Variants in TTC7A observed in about 807,000 individuals in gnomAD.
The protein encoded by TTC7A is tetratricopeptide repeat protein 7A.
In TTC7A, 110 loss-of-function variants were observed where a neutral mutation model predicts 103.7. That is an observed-to-expected ratio of 1.06 (90% confidence interval 0.91 to 1.24). TTC7A has a LOEUF of 1.24. Among genes scored for constraint, TTC7A ranks in the 50% most tolerant of loss-of-function variants. TTC7A has a pLI of 0.00. For missense variants in TTC7A, 1,340 were observed against 1,116.3 expected (o/e 1.20, Z -2.86); for synonymous variants, 521 against 467.9 (o/e 1.11, Z -1.47).
intron 3 of TTC7A, among the ~76,000 whole-genome samples, chr2:46,963,746 A>T (rs958580940): frequency 6.6e-6 from 1 of 152,172 alleles, no homozygotes; most frequent in Non-Finnish European, 1.5e-5. Flanking sequence ...GGGCTCAGCT[A>T]TTGAGGTCTG....
At position 47,011,378 on chromosome 2, in the gene TTC7A, C is replaced by A; in HGVS notation, c.1335C>A (p.Pro445=). 1 of 1,612,624 alleles carries A rather than the reference C, an allele frequency of 6.2e-7. No individual in the cohort carries two copies. Among genetic ancestry groups the A allele is most frequent in the South Asian group, 1.1e-5 (1 of 91,028 alleles). The change falls in exon 11 of 20, where the codon CCC becomes CCA. Residue 445 remains proline (P), a synonymous_variant. Transcript: ENST00000319190. ...TGCGGGAGTGTGTGAAGTTGCGGCC[C>A]TCGGACCCCACCGTGCCCCTGATGG... is the stretch of plus-strand genomic sequence containing the variant. ...SLLRECVKLR[P]SDPTVPLMAA... is the part of the protein sequence containing the mutation.
At chr2:47,030,602 T>TGGCCAA (rs1423537460) in intron 15 of TTC7A, among the ~76,000 whole-genome samples, 2 of 152,192 alleles carry the variant, frequency 1.3e-5, no homozygotes, top group East Asian at 3.8e-4. Flanking sequence ...GGAGTCCCAG[T>TGGCCAA]GGCCAAGGCC....
chr2:47,046,253 G>C lies in TTC7A; in HGVS notation c.1803-62G>C, dbSNP rs749737213. On this transcript the variant is annotated intron_variant, in intron 15 of 19. Coordinates refer to ENST00000319190, the MANE Select transcript of TTC7A (RefSeq NM_020458.4). The stretch of plus-strand genomic sequence containing the variant: ...ATGTGGAGCCGCCCTGGTGGGGCAG[G>C]ATCCCCAGGTGAAAGTGGGCCCTTG... 3.2e-4 allele frequency: 428 copies of C among 1,343,338 alleles called. 2 individuals are homozygous for C. The highest frequency in any genetic ancestry group is 4.9e-4 in the Middle Eastern group (2 of 4,102). 83.2% of individuals were successfully genotyped at this position (1,343,338 alleles called of 1,614,324 possible).
chr2:46,960,230 G>A (rs991593675), intron 3 of TTC7A, among the ~76,000 whole-genome samples: 55 of 152,204 alleles, frequency 3.6e-4, no homozygotes, highest in African/African-American at 1.2e-3. Context: ...GCTCCTGGCT[G>A]CAGAGAAGTC....
At chr2:47,028,020 A>G (rs558924089) in intron 14 of TTC7A, among the ~76,000 whole-genome samples, 1 of 152,296 alleles carries the variant, frequency 6.6e-6, no homozygotes, top group Non-Finnish European at 1.5e-5. Flanking sequence ...AGTAACCTCC[A>G]CAGCTGAATG....
chr2:47,033,351 G>A (rs889574558), intron 15 of TTC7A, among the ~76,000 whole-genome samples: 1 of 152,254 alleles, frequency 6.6e-6, no homozygotes, highest in Admixed American at 6.5e-5. Context: ...CCCAGTGCCT[G>A]AGGCCTATTA....
chr2:46,929,257 G>GA (rs960441118), intron 2 of TTC7A, among the ~76,000 whole-genome samples: 26 of 152,252 alleles, frequency 1.7e-4, no homozygotes, highest in African/African-American at 6.0e-4. Flanking sequence ...GCTAAGGTAG[G>GA]AAGACTGCTT....
At chr2:47,056,744 G>T (rs1467364664) in intron 18 of TTC7A, among the ~76,000 whole-genome samples, 1 of 152,196 alleles carries the variant, frequency 6.6e-6, no homozygotes, top group Non-Finnish European at 1.5e-5. Context: ...GGAGGGAAGA[G>T]GAGGAAAACC....
chr2:47,052,750 A>G (rs1360496115), intron 18 of TTC7A, among the ~76,000 whole-genome samples: 1 of 152,154 alleles, frequency 6.6e-6, no homozygotes, highest in East Asian at 1.9e-4. Flanking sequence ...ATGGACCCCT[A>G]AAGTACCCCA....
At chr2:46,970,004 T>A (rs550165633) in intron 3 of TTC7A, among the ~76,000 whole-genome samples, 59 of 152,274 alleles carry the variant, frequency 3.9e-4, no homozygotes, top group African/African-American at 1.1e-3. Flanking sequence ...AGCTTTTTTT[T>A]AAATTGAAAT....
intron 16 of TTC7A, chr2:47,046,888 C>A (rs141901057): frequency 1.4e-4 from 33 of 236,674 alleles, no homozygotes; most frequent in African/African-American, 5.7e-4. Flanking sequence ...GCCCATGGAG[C>A]CTGTCACTTC....
At chr2:46,984,388 A>G (rs193045365) in intron 5 of TTC7A, among the ~76,000 whole-genome samples, 29 of 152,330 alleles carry the variant, frequency 1.9e-4, no homozygotes, top group East Asian at 1.5e-3. Flanking sequence ...TGTGGCCCTG[A>G]ACAGGTTCCC....
At chr2:47,034,824 G>T (rs1680934081) in intron 15 of TTC7A, among the ~76,000 whole-genome samples, 1 of 152,142 alleles carries the variant, frequency 6.6e-6, no homozygotes, top group Admixed American at 6.5e-5. Flanking sequence ...GGGGGACTTG[G>T]AAAGTCCTGG....
rs191636638 is a variant in TTC7A, at chr2:46,951,100, A to C, written c.348+574A>C. Among the ~76,000 whole-genome samples, 30 of 152,324 alleles carry C rather than the reference A, an allele frequency of 2.0e-4. No homozygotes were observed. In the East Asian group the frequency reaches 5.0e-3, roughly 26 times the overall value. ...CAAACATGCAGAGTTGGCTAGGGAC[A>C]GAAGAGCTCCATAACAGGGCAAGCC... On this transcript the variant is annotated intron_variant, in intron 2 of 19. Coordinates refer to ENST00000319190, the MANE Select transcript of TTC7A (RefSeq NM_020458.4).
intron 19 of TTC7A, among the ~76,000 whole-genome samples, chr2:47,069,767 G>C (rs1051810810): frequency 6.6e-6 from 1 of 152,220 alleles, no homozygotes; most frequent in African/African-American, 2.4e-5. Flanking sequence ...CTCCCTGGAA[G>C]GGTGTGTCTA....
chr2:47,071,984 G>A (rs1456802376), intron 19 of TTC7A, among the ~76,000 whole-genome samples: 1 of 152,222 alleles, frequency 6.6e-6, no homozygotes, highest in Non-Finnish European at 1.5e-5. Flanking sequence ...AGAACTCACA[G>A]GGCTCAAACC....
At chr2:46,993,618 G>A in intron 6 of TTC7A, 90 bp downstream of exon 6, 5 of 1,267,598 alleles carry the variant, frequency 3.9e-6, no homozygotes, top group Non-Finnish European at 5.7e-6. Context: ...TGTGAAGCAG[G>A]GGTGGCAGTA....
intron 18 of TTC7A, chr2:47,054,163 C>G: frequency 1.0e-6 from 1 of 985,400 alleles, no homozygotes; most frequent in Middle Eastern, 5.2e-4. Flanking sequence ...CAGGGTCAGG[C>G]AGTGTAGTAT....
At chr2:46,990,268 G>A (rs1675493157) in intron 5 of TTC7A, among the ~76,000 whole-genome samples, 1 of 152,256 alleles carries the variant, frequency 6.6e-6, no homozygotes. Context: ...GTGCTGGGCT[G>A]TCCCCTTAGC....
Sources: gnomAD v4.1 joint callset for allele counts (sites outside exome capture counted in the v4.1 genomes callset) on GRCh38, gnomAD v4.1.1 for gene constraint, MANE v1.5 for transcripts, NCBI Gene and HGNC (gene_info 2026-07-23, HGNC 2026-07-21) for gene names.